Variants in VPS50 observed in about 807,000 individuals in gnomAD.
The protein encoded by VPS50 is syndetin.
A neutral mutation model predicts 139.7 loss-of-function variants in VPS50; 70 were observed. The ratio of observed to expected loss-of-function variants is 0.50; its 90% confidence interval spans 0.41 to 0.61. The LOEUF (loss-of-function observed/expected upper bound fraction) is 0.61. Ranked by LOEUF, VPS50 falls within the 20% of genes least tolerant of loss-of-function variation. VPS50 has a pLI of 0.00. For synonymous variants in VPS50, 365 were observed against 376.7 expected (o/e 0.97, Z 0.36); for missense variants, 921 against 1,133.7 (o/e 0.81, Z 2.69).
rs758176934 is a variant in VPS50, at chr7:93,297,201, C to G, written c.1319C>G (p.Ser440Cys). 1.3e-6 allele frequency: 2 copies of G among 1,563,582 alleles called. No homozygotes were observed. Among genetic ancestry groups the G allele is most frequent in the South Asian group, 2.5e-5 (2 of 80,120 alleles). Residue 440 changes from serine (S) to cysteine (C), a missense_variant, in exon 16 of 28, where the codon TCT (serine) becomes TGT (cysteine). By Grantham distance (112) the Ser-to-Cys change is moderately radical. Coordinates refer to ENST00000305866, the MANE Select transcript of VPS50 (RefSeq NM_017667.4). Reference protein sequence around the residue: ...CGSKSEVLQESIRKQSVNYFK... With the variant: ...CGSKSEVLQECIRKQSVNYFK... ...AGCAAGTCTGAAGTTTTACAGGAATCTATTAGAAAACAAAGTGTCAATTAT... is the reference window on the plus strand; with the variant it reads ...AGCAAGTCTGAAGTTTTACAGGAATGTATTAGAAAACAAAGTGTCAATTAT...
chr7:93,242,133 A>G (rs1357084099), intron 2 of VPS50, among the ~76,000 whole-genome samples: 3 of 151,908 alleles, frequency 2.0e-5, no homozygotes, highest in South Asian at 2.1e-4. Context: ...AACATTGCCT[A>G]CTGGTCTTTT....
intron 23 of VPS50, among the ~76,000 whole-genome samples, chr7:93,344,732 G>C (rs1312986219): frequency 6.6e-6 from 1 of 151,606 alleles, no homozygotes; most frequent in East Asian, 1.9e-4. Flanking sequence ...ATAACTACTG[G>C]GTACATAACG....
chr7:93,280,038 G>A (rs905968279), intron 12 of VPS50, among the ~76,000 whole-genome samples: 7 of 151,884 alleles, frequency 4.6e-5, no homozygotes, highest in South Asian at 2.1e-4. Context: ...TTAGTGTTCC[G>A]TTTTTATTTA....
intron 23 of VPS50, among the ~76,000 whole-genome samples, chr7:93,345,314 A>C (rs1164261084): frequency 5.9e-5 from 9 of 152,144 alleles, no homozygotes; most frequent in African/African-American, 2.2e-4. Context: ...CAATAACAGG[A>C]GCTGAAATTG....
intron 6 of VPS50, 179 bp from the exon 7 acceptor site, chr7:93,257,980 G>A (rs1795540931): frequency 2.2e-6 from 1 of 460,678 alleles, no homozygotes; most frequent in African/African-American, 2.0e-5. Flanking sequence ...ATCTTCTCGT[G>A]GTGTTCTGAG....
intron 12 of VPS50, among the ~76,000 whole-genome samples, chr7:93,288,170 C>T (rs981126539): frequency 9.2e-5 from 14 of 152,048 alleles, no homozygotes; most frequent in African/African-American, 1.7e-4. Context: ...AAAACCGCCC[C>T]GCCCTTGACA....
chr7:93,280,127 A>C (rs1796279136), intron 12 of VPS50, among the ~76,000 whole-genome samples: 1 of 152,120 alleles, frequency 6.6e-6, no homozygotes, highest in African/African-American at 2.4e-5. Context: ...GTTTCTATTC[A>C]CCATTGCTCT....
chr7:93,246,270 C>T, intron 2 of VPS50: 1 of 648,140 alleles, frequency 1.5e-6, no homozygotes, highest in Non-Finnish European at 2.7e-6. Flanking sequence ...AATTTCTCCA[C>T]TTTCCTTCTC....
At chr7:93,324,200 G>C (rs532133905) in intron 21 of VPS50, among the ~76,000 whole-genome samples, 1 of 152,236 alleles carries the variant, frequency 6.6e-6, no homozygotes, top group East Asian at 1.9e-4. Flanking sequence ...GAGACAATGG[G>C]GTTTTCTAGA....
chr7:93,294,376 G>T (rs1796739817), intron 13 of VPS50, among the ~76,000 whole-genome samples, 169 bp from the exon 14 acceptor site: 1 of 152,048 alleles, frequency 6.6e-6, no homozygotes, highest in African/African-American at 2.4e-5. Context: ...CACCAAATGG[G>T]TTTAAGTCTA....
Position 93,277,824 on chromosome 7 carries a change from ATTG to A in VPS50, c.942+1522_942+1524del, listed in dbSNP as rs555270330. Among the ~76,000 whole-genome samples the A allele has an allele frequency of 3.3e-5, 5 of 152,100 alleles. No homozygotes were observed. The South Asian group carries it at 6.2e-4, about 19-fold the overall frequency. The stretch of plus-strand genomic sequence containing the variant: ...TTAATAATTTTGAAATGTTTTGTTT[ATTG>A]TTATTTTTCTTATTCATATATGTTC... On this transcript the variant is annotated intron_variant, in intron 12 of 27. Coordinates refer to ENST00000305866, the MANE Select transcript of VPS50 (RefSeq NM_017667.4).
intron 18 of VPS50, among the ~76,000 whole-genome samples, chr7:93,307,661 C>T (rs1006017816): frequency 5.3e-5 from 8 of 151,860 alleles, no homozygotes; most frequent in Admixed American, 2.0e-4. Context: ...ATCTATGATA[C>T]GGTGTGGTCA....
intron 16 of VPS50, among the ~76,000 whole-genome samples, chr7:93,300,030 G>A (rs535247157): frequency 1.3e-5 from 2 of 152,166 alleles, no homozygotes; most frequent in African/African-American, 4.8e-5. Flanking sequence ...GGCATTGACT[G>A]GTGTTAGAAG....
rs117116142 is a variant in VPS50 at position 93,320,813 on chromosome 7, T to A, written c.1856-2798T>A. On this transcript the variant is annotated intron_variant, in intron 20 of 27. Transcript: ENST00000305866. ...TTACAGTTTGTCCCATATGTGAACC[T>A]GTAGCTTGATCGTTTTTCAGCCCCG... The A allele has an allele frequency of 1.4e-3, 219 of 152,718 alleles. 5 individuals are homozygous for A. The East Asian group carries it at 0.036, about 25-fold the overall frequency. The allele number at this position is 152,718 out of a possible 1,614,324, so 9.5% of individuals were successfully genotyped here. A position where few individuals can be genotyped will look rare whatever the true frequency, so the allele number is the denominator to read the frequency against.
intron 16 of VPS50, among the ~76,000 whole-genome samples, chr7:93,297,671 A>C (rs1201095169): frequency 1.3e-5 from 2 of 152,164 alleles, no homozygotes; most frequent in Non-Finnish European, 2.9e-5. Context: ...AGGATGTGAT[A>C]TTCAGAATTC....
intron 21 of VPS50, among the ~76,000 whole-genome samples, chr7:93,326,134 C>A (rs1189114787): frequency 2.6e-5 from 4 of 151,814 alleles, no homozygotes; most frequent in Non-Finnish European, 5.9e-5. Flanking sequence ...ATGATGAGTT[C>A]ATGTCCTTTG....
intron 5 of VPS50, 109 bp from the exon 6 acceptor site, chr7:93,257,285 T>A (rs1795515163): frequency 3.2e-6 from 2 of 618,892 alleles, no homozygotes; most frequent in Non-Finnish European, 5.6e-6. Context: ...ACTTTGTTTT[T>A]CAAGCAGGTT....
At chr7:93,277,987 A>G (rs935142366) in intron 12 of VPS50, among the ~76,000 whole-genome samples, 2 of 152,094 alleles carry the variant, frequency 1.3e-5, no homozygotes, top group African/African-American at 2.4e-5. Flanking sequence ...ATTTTTTTCT[A>G]TTAAAGCAGA....
At chr7:93,327,978 T>C (rs1797829776) in intron 21 of VPS50, among the ~76,000 whole-genome samples, 1 of 152,168 alleles carries the variant, frequency 6.6e-6, no homozygotes, top group African/African-American at 2.4e-5. Context: ...GGTTCTGGCT[T>C]CTAGAAATCA....
Sources: allele counts gnomAD v4.1 joint callset (sites outside exome capture counted in the v4.1 genomes callset), GRCh38; gene constraint gnomAD v4.1.1; transcripts MANE v1.5; gene names NCBI Gene and HGNC (gene_info 2026-07-23, HGNC 2026-07-21).